USP54: variants seen among roughly 807,000 people sequenced by gnomAD.
USP54 encodes ubiquitin specific peptidase 54, also known as ubiquitin carboxyl-terminal hydrolase 54.
Under a neutral mutation model 170.5 loss-of-function variants are expected in USP54, and 87 were observed. The ratio of observed to expected loss-of-function variants is 0.51; its 90% CI spans 0.43 to 0.61. The LOEUF (loss-of-function observed/expected upper bound fraction) is 0.61. USP54 is among the 20% of genes least tolerant of loss of function. The probability of loss-of-function intolerance (pLI) is 0.00; values close to 1 mark genes in which losing one functional copy is unlikely to be tolerated. For synonymous variants in USP54, 655 were observed against 742.8 expected (o/e 0.88, Z 1.92); for missense variants, 1,786 against 2,047.8 (o/e 0.87, Z 2.47).
Position 73,505,330 on chromosome 10 carries a change from G to T in USP54, c.4148C>A (p.Ala1383Asp). 3.7e-6 allele frequency: 6 copies of T among 1,614,072 alleles called. No individual in the cohort carries two copies. The highest frequency in any genetic ancestry group is 5.1e-6 in the Non-Finnish European group (6 of 1,180,004). Reference protein sequence around the residue: ...TAEMEHGLHEARTVRTSQATP... With the variant: ...TAEMEHGLHEDRTVRTSQATP... ...TACCTGAGAAGTACGCACTGTTCTGGCTTCATGGAGACCATGCTCCATTTC... is the reference window on the plus strand; with the variant it reads ...TACCTGAGAAGTACGCACTGTTCTGTCTTCATGGAGACCATGCTCCATTTC... Residue 1383 changes from alanine to aspartate, a missense_variant, in exon 21 of 24, where the codon GCC (alanine) becomes GAC (aspartate). Ala to Asp is a moderately radical substitution (Grantham distance 126, BLOSUM62 -2). Transcript: ENST00000687698.
chr10:73,499,983 C>G (rs2057741724), intron 23 of USP54: 1 of 152,184 alleles, frequency 6.6e-6, no homozygotes, highest in Non-Finnish European at 1.5e-5. Context: ...AACAACTGAG[C>G]AAGTGACAAT....
chr10:73,568,094 G>A (rs1027710659), intron 4 of USP54, among the ~76,000 whole-genome samples: 1 of 151,384 alleles, frequency 6.6e-6, no homozygotes, highest in African/African-American at 2.4e-5. Flanking sequence ...TTTTTTCTTT[G>A]TAGAGATGGG....
chr10:73,498,719 TC>T lies in USP54; in HGVS notation c.4964del (p.Arg1655LysfsTer45). On this transcript the variant is annotated frameshift_variant, in exon 24 of 24. Transcript: ENST00000687698. LOFTEE classifies it high-confidence loss of function. Reference sequence around the variant, plus strand: ...CAAACAGAAACCCCTCTCCCACTGTTCTCCTGTGTCCAGAGTGGGAGGCATA... The same window carrying T: ...CAAACAGAAACCCCTCTCCCACTGTTTCCTGTGTCCAGAGTGGGAGGCATA... ...SSYASHSGHR[R>X]TVGEGFLFVL... 1 of 1,613,214 alleles carries T rather than the reference TC, an allele frequency of 6.2e-7. No individual in the cohort carries two copies. The highest frequency in any genetic ancestry group is 8.5e-7 in the Non-Finnish European group (1 of 1,179,512).
intron 10 of USP54, 34 bp downstream of exon 10, chr10:73,539,410 C>A (rs374731641): frequency 7.2e-6 from 11 of 1,527,242 alleles, no homozygotes; most frequent in South Asian, 1.3e-5. Flanking sequence ...TTTGTAGTCA[C>A]CAAACACTTC....
intron 1 of USP54, among the ~76,000 whole-genome samples, chr10:73,585,464 T>C (rs2077369962): frequency 6.6e-6 from 1 of 152,188 alleles, no homozygotes; most frequent in South Asian, 2.1e-4. Flanking sequence ...AGGTGTCACA[T>C]GGCGAGAGAG....
intron 1 of USP54, among the ~76,000 whole-genome samples, chr10:73,614,401 A>G (rs2080432896): frequency 6.7e-6 from 1 of 149,912 alleles, no homozygotes; most frequent in East Asian, 1.9e-4. Flanking sequence ...CTCTACTAAA[A>G]TTACAGTAAA....
intron 7 of USP54, 106 bp downstream of exon 7, chr10:73,542,697 C>T: frequency 6.8e-6 from 8 of 1,174,082 alleles, no homozygotes; most frequent in Non-Finnish European, 9.7e-6. Context: ...TGCCACTGCA[C>T]TGCAGCCTGG....
chr10:73,529,571 T>G, intron 15 of USP54, 109 bp downstream of exon 15: 2 of 1,225,056 alleles, frequency 1.6e-6, no homozygotes, highest in Non-Finnish European at 2.4e-6. Flanking sequence ...CACATAGAGA[T>G]AATAGCAAAG....
At chr10:73,571,165 G>T (rs991002487) in intron 4 of USP54, among the ~76,000 whole-genome samples, 6 of 143,756 alleles carry the variant, frequency 4.2e-5, no homozygotes, top group Non-Finnish European at 7.5e-5. Context: ...AAAAAAAAAG[G>T]AGAAGCATAC....
At chr10:73,502,069 C>A (rs995945786) in intron 22 of USP54, among the ~76,000 whole-genome samples, 2 of 152,124 alleles carry the variant, frequency 1.3e-5, no homozygotes, top group Admixed American at 1.3e-4. Flanking sequence ...ATCCGCAGCA[C>A]CTTGAACAGT....
rs755975618 is a variant in USP54 at position 73,620,065 on chromosome 10, C to T, written c.-18+5502G>A. 2.7e-5 allele frequency among the ~76,000 whole-genome samples: 4 copies of T among 150,338 alleles called. No individual in the cohort carries two copies. The South Asian group carries it at 8.3e-4, about 31-fold the overall frequency. On this transcript the variant is annotated intron_variant, in intron 1 of 22. Coordinates refer to the USP54 transcript ENST00000339859. ...CAGTGGGTCACACCTGTAATCCCAG[C>T]ACTTTGGGAGGCCAAGGTGGGCAGA...
chr10:73,543,977 C>G (rs2067194322), intron 5 of USP54, among the ~76,000 whole-genome samples: 1 of 150,350 alleles, frequency 6.7e-6, no homozygotes, highest in Non-Finnish European at 1.5e-5. Context: ...CACTCTGTCT[C>G]TGTCGCCCAG....
At chr10:73,505,215 C>T (rs2058896601) in intron 21 of USP54, 93 bp downstream of exon 21, 1 of 1,349,688 alleles carries the variant, frequency 7.4e-7, no homozygotes, top group Non-Finnish European at 1.0e-6. Flanking sequence ...ATCACCATGC[C>T]TCTGCCTTAT....
chr10:73,590,081 C>A (rs1307232750), intron 1 of USP54, among the ~76,000 whole-genome samples: 1 of 152,206 alleles, frequency 6.6e-6, no homozygotes, highest in Non-Finnish European at 1.5e-5. Flanking sequence ...GCGCTAGGCA[C>A]TGGACACATG....
Position 73,612,364 on chromosome 10 carries a change from T to G in USP54, c.-18+13203A>C, listed in dbSNP as rs557916422. 4.5e-4 allele frequency among the ~76,000 whole-genome samples: 68 copies of G among 152,288 alleles called. 1 individual carries two copies. The South Asian group carries it at 0.014, about 31-fold the overall frequency. On this transcript the variant is annotated intron_variant, in intron 1 of 22. Coordinates refer to the USP54 transcript ENST00000339859. ...AAAGTAGGCTTTTTCCCCCTTGTTT[T>G]AATTCATAAATTTATTCAACAGACT...
chr10:73,567,875 G>A (rs531122088), intron 4 of USP54, among the ~76,000 whole-genome samples: 1 of 152,118 alleles, frequency 6.6e-6, no homozygotes, highest in Admixed American at 6.5e-5. Flanking sequence ...CTAGAATCTA[G>A]TTCAGTGATG....
rs200991513 is a variant in USP54 at position 73,498,582 on chromosome 10, A to G, written c.*47T>C. On this transcript the variant is annotated 3_prime_UTR_variant, in exon 24 of 24. Coordinates refer to ENST00000687698, the MANE Select transcript of USP54 (RefSeq NM_001391956.1). ...AGCCACCGCGCCCGGCCCACAGTAC[A>G]GTTTTACAAAGAAAGGTGTAGCTCC... 4.1e-4 allele frequency: 619 copies of G among 1,497,764 alleles called. No homozygotes were observed. In the African/African-American group the frequency reaches 7.8e-3, roughly 19 times the overall value. The allele number at this position is 1,497,764 out of a possible 1,614,324, so 92.8% of individuals were successfully genotyped here.
Position 73,569,646 on chromosome 10 carries a change from GGGAGGTTGA to G in USP54, c.240+1766_240+1774del, listed in dbSNP as rs560036217. Among the ~76,000 whole-genome samples, 12 of 151,442 alleles carry G rather than the reference GGGAGGTTGA, an allele frequency of 7.9e-5. No homozygotes were observed. The South Asian group carries it at 2.3e-3, about 29-fold the overall frequency. On this transcript the variant is annotated intron_variant, in intron 4 of 23. Coordinates refer to ENST00000687698, the MANE Select transcript of USP54 (RefSeq NM_001391956.1). ...CAGGTGCCTGTAATCCCAGCTACTC[GGGAGGTTGA>G]GGAGAAGAATTGCTTGAACCAGGGA...
intron 4 of USP54, 56 bp from the exon 5 acceptor site, chr10:73,545,728 T>C (rs2067643422): frequency 1.3e-6 from 2 of 1,589,478 alleles, no homozygotes; most frequent in Non-Finnish European, 1.7e-6. Context: ...TAAACTTCTA[T>C]ACATCCTAGT....
Sources: allele counts gnomAD v4.1 joint callset (sites outside exome capture counted in the v4.1 genomes callset), GRCh38; gene constraint gnomAD v4.1.1; transcripts MANE v1.5; gene names NCBI Gene and HGNC (gene_info 2026-07-23, HGNC 2026-07-21).